The following NFIA variants were observed in gnomAD, a reference collection of about 807,000 sequenced individuals.
NFIA encodes the protein nuclear factor I A, also known as nuclear factor 1 A-type.
In NFIA, 8 loss-of-function variants were observed where a neutral mutation model predicts 62.8. The observed-to-expected ratio is 0.13, with a 90% CI of 0.07 to 0.23. The LOEUF (loss-of-function observed/expected upper bound fraction) is 0.23, where lower values mean the gene tolerates loss of function less well. NFIA is among the 10% of genes least tolerant of loss of function. The pLI is 1.00. For synonymous variants in NFIA, 235 were observed against 238.1 expected (o/e 0.99, Z 0.12); for missense variants, 410 against 642.1 (o/e 0.64, Z 3.91).
rs563401406 is a variant in NFIA at position 61,335,569 on chromosome 1, G to A, written c.700+2983G>A. Among the ~76,000 whole-genome samples, 4 of 152,310 alleles carry A rather than the reference G, an allele frequency of 2.6e-5. No homozygotes were observed. The East Asian group carries it at 7.7e-4, about 29-fold the overall frequency. ...ATAGAAATAAGCTAACTGGCCAGGC[G>A]CGGTGGCTCATGCCTGTAATCCCAG... On this transcript the variant is annotated intron_variant, in intron 4 of 10. Coordinates refer to ENST00000403491, the MANE Select transcript of NFIA (RefSeq NM_001134673.4).
chr1:61,078,400 C>T (rs981900721), upstream of NFIA, among the ~76,000 whole-genome samples: 1 of 152,112 alleles, frequency 6.6e-6, no homozygotes, highest in African/African-American at 2.4e-5. Flanking sequence ...TTTTTATGCT[C>T]AGGGAAGCTG....
At chr1:61,118,426 G>A (rs1180676988) in intron 2 of NFIA, among the ~76,000 whole-genome samples, 1 of 152,168 alleles carries the variant, frequency 6.6e-6, no homozygotes, top group African/African-American at 2.4e-5. Context: ...ACAGCAGTGA[G>A]CAGCACAGAG....
intron 2 of NFIA, among the ~76,000 whole-genome samples, chr1:61,269,866 A>C (rs1367371768): frequency 6.6e-6 from 1 of 152,094 alleles, no homozygotes; most frequent in Non-Finnish European, 1.5e-5. Flanking sequence ...TGCTGCAGAG[A>C]CTCATGGGAA....
intron 2 of NFIA, among the ~76,000 whole-genome samples, chr1:61,256,434 TAAAAAAA>T (rs5774549): frequency 2.0e-5 from 2 of 102,014 alleles, no homozygotes; most frequent in Non-Finnish European, 3.8e-5. Context: ...AGACTCCATC[TAAAAAAA>T]AAAAAAAAAA....
intron 2 of NFIA, among the ~76,000 whole-genome samples, chr1:61,115,550 G>A (rs1264881900): frequency 6.6e-6 from 1 of 152,224 alleles, no homozygotes; most frequent in Non-Finnish European, 1.5e-5. Flanking sequence ...GGTTGGCAAG[G>A]GACTTGCAGG....
chr1:61,141,341 G>A (rs887806733), intron 2 of NFIA, among the ~76,000 whole-genome samples: 2 of 152,066 alleles, frequency 1.3e-5, no homozygotes, highest in African/African-American at 4.8e-5. Flanking sequence ...TTCAAAACAA[G>A]TAGCTGTCAC....
chr1:61,244,010 G>A (rs1376043998), intron 2 of NFIA, among the ~76,000 whole-genome samples: 1 of 152,088 alleles, frequency 6.6e-6, no homozygotes, highest in Non-Finnish European at 1.5e-5. Flanking sequence ...GGTATATTTA[G>A]CATTTTACCC....
In NFIA at chr1:61,461,915, CAACTT is replaced by C; in HGVS notation, c.*6596_*6600del. ...CCATTTTTCCTGCTGTTTTTATACT[CAACTT>C]CTCAAAATGAAAAAAGCTTTTATTT... On this transcript the variant is annotated 3_prime_UTR_variant, in exon 11 of 11. Coordinates refer to ENST00000403491, the MANE Select transcript of NFIA (RefSeq NM_001134673.4). 6.6e-6 allele frequency: 1 copy of C among 151,980 alleles called. No homozygotes were observed. The highest frequency in any genetic ancestry group is 6.5e-5 in the Admixed American group (1 of 15,272). The allele number at this position is 151,980 out of a possible 1,614,324, so 9.4% of individuals were successfully genotyped here.
At chr1:61,238,950 A>T (rs994697834) in intron 2 of NFIA, among the ~76,000 whole-genome samples, 9 of 152,110 alleles carry the variant, frequency 5.9e-5, no homozygotes, top group Admixed American at 2.0e-4. Flanking sequence ...TTGTTGGGGG[A>T]ATTTCTTTTC....
intron 2 of NFIA, among the ~76,000 whole-genome samples, chr1:61,169,428 G>T (rs1030343801): frequency 6.6e-6 from 1 of 152,136 alleles, no homozygotes; most frequent in African/African-American, 2.4e-5. Context: ...CTGTCCAGTA[G>T]AATCCTATTT....
intron 10 of NFIA, among the ~76,000 whole-genome samples, chr1:61,453,197 C>T (rs1032853178): frequency 6.6e-6 from 1 of 152,074 alleles, no homozygotes; most frequent in Non-Finnish European, 1.5e-5. Context: ...ACGTCAGAAC[C>T]ACTGGAAGGT....
At chr1:61,185,084 T>G (rs1651065164) in intron 2 of NFIA, among the ~76,000 whole-genome samples, 1 of 152,206 alleles carries the variant, frequency 6.6e-6, no homozygotes, top group African/African-American at 2.4e-5. Flanking sequence ...ATATGAAAAT[T>G]TGGCAGGCTT....
intron 9 of NFIA, among the ~76,000 whole-genome samples, chr1:61,422,740 T>G (rs899901492): frequency 7.4e-5 from 8 of 108,754 alleles, no homozygotes; most frequent in African/African-American, 3.2e-4. Flanking sequence ...GACCCCCGTC[T>G]CTATTTAAAA....
At position 61,429,175 on chromosome 1, in the gene NFIA, C is replaced by A. The variant is rs182830828; in HGVS notation, c.1512+2619C>A. Reference sequence around the variant, plus strand: ...AGGCAGCTTCAGACTATCATAAGATCTTTTTTAAGAAAAAGAGTTATTTGA... The same window carrying A: ...AGGCAGCTTCAGACTATCATAAGATATTTTTTAAGAAAAAGAGTTATTTGA... On this transcript the variant is annotated intron_variant, in intron 10 of 10. Transcript: ENST00000403491. 3.6e-4 allele frequency among the ~76,000 whole-genome samples: 55 copies of A among 152,182 alleles called. No homozygotes were observed. The East Asian group carries it at 6.9e-3, about 19-fold the overall frequency.
chr1:61,088,417 A>T lies in NFIA; in HGVS notation c.296A>T (p.Lys99Ile). The T allele has an allele frequency of 6.2e-7, 1 of 1,613,882 alleles. No individual in the cohort carries two copies. The highest frequency in any genetic ancestry group is 8.5e-7 in the Non-Finnish European group (1 of 1,179,980). The change falls in exon 2 of 11, where the codon AAA (lysine) becomes ATA (isoleucine). Residue 99 changes from lysine (K) to isoleucine (I), a missense_variant. By Grantham distance (102) the Lys-to-Ile change is moderately radical (BLOSUM62 -3). This residue lies in a region of NFIA where 86 missense variants were observed against 124.6 expected (regional missense o/e 0.69). Coordinates refer to ENST00000403491, the MANE Select transcript of NFIA (RefSeq NM_001134673.4). The surrounding 1 kb of genome is among the most constrained non-coding windows in gnomAD (Gnocchi z 4.5). Reference sequence around the variant, plus strand: ...TTTGTTCTTACAGTTACAGGGAAAAAACCTCCATGTTGTGTTCTTTCCAAC... The same window carrying T: ...TTTGTTCTTACAGTTACAGGGAAAATACCTCCATGTTGTGTTCTTTCCAAC... ...EDFVLTVTGK[K>I]PPCCVLSNPD...
At chr1:61,141,879 A>G (rs1416202899) in intron 2 of NFIA, among the ~76,000 whole-genome samples, 1 of 152,202 alleles carries the variant, frequency 6.6e-6, no homozygotes, top group Non-Finnish European at 1.5e-5. Context: ...TGCTGACATA[A>G]TAGGTATGCA....
chr1:61,133,820 G>T (rs1647125915), intron 2 of NFIA, among the ~76,000 whole-genome samples: 1 of 152,124 alleles, frequency 6.6e-6, no homozygotes, highest in South Asian at 2.1e-4. Flanking sequence ...CTCCAGCCTG[G>T]GCAACATAGT....
At chr1:61,155,851 C>T (rs997158738) in intron 2 of NFIA, among the ~76,000 whole-genome samples, 2 of 149,682 alleles carry the variant, frequency 1.3e-5, no homozygotes, top group Admixed American at 6.7e-5. Context: ...GAATTAAAAA[C>T]CTTGGCTGGG....
chr1:61,167,265 T>A (rs1649641965), intron 2 of NFIA, among the ~76,000 whole-genome samples: 1 of 152,204 alleles, frequency 6.6e-6, no homozygotes, highest in Non-Finnish European at 1.5e-5. Context: ...GATAGATGAG[T>A]GTACTCATGT....
Sources: allele counts gnomAD v4.1 joint callset (sites outside exome capture counted in the v4.1 genomes callset), GRCh38; gene constraint gnomAD v4.1.1; regional missense constraint gnomAD v4.1.1; non-coding constraint Gnocchi (gnomAD v3.1); transcripts MANE v1.5; gene names NCBI Gene and HGNC (gene_info 2026-07-23, HGNC 2026-07-21).